Variants in COL6A6 observed in about 807,000 individuals in gnomAD.
COL6A6 encodes the protein collagen alpha-6(VI) chain.
In COL6A6, 183 loss-of-function variants were observed where a neutral mutation model predicts 208.6. The observed-to-expected ratio is 0.88, with a 90% confidence interval of 0.78 to 0.99. The LOEUF is 0.99. Ranked by LOEUF, COL6A6 falls within the 50% of genes least tolerant of loss-of-function variation. COL6A6 has a pLI of 0.00. For synonymous variants in COL6A6, 973 were observed against 1,011.8 expected, an observed-to-expected ratio of 0.96 and a Z score of 0.73; for missense variants, 2,816 against 2,815.2, an observed-to-expected ratio of 1.00 and a Z score of -0.01.
In COL6A6 at chr3:130,627,381, C is replaced by T. The variant is rs771679759; in HGVS notation, c.4992+12C>T. On this transcript the variant is annotated intron_variant, in intron 26 of 36. Coordinates refer to ENST00000358511, the MANE Select transcript of COL6A6 (RefSeq NM_001102608.3). ...GCAAGGGAGCAAAGGTAAGTCAAGT[C>T]TGCTGGAAGCTGGACGTTTTCCATT... The T allele has an allele frequency of 2.4e-5, 39 of 1,612,478 alleles. No homozygotes were observed. Among genetic ancestry groups the T allele is most frequent in the Non-Finnish European group, 1.3e-5 (15 of 1,178,672 alleles).
At chr3:130,606,343 T>A (rs573598773) in intron 20 of COL6A6, among the ~76,000 whole-genome samples, 3 of 152,260 alleles carry the variant, frequency 2.0e-5, no homozygotes, top group Admixed American at 1.3e-4. Flanking sequence ...TTTGATTGAA[T>A]ATTAATATAC....
At chr3:130,551,153 G>C (rs895976703) in intron 1 of COL6A6, among the ~76,000 whole-genome samples, 1 of 151,554 alleles carries the variant, frequency 6.6e-6, no homozygotes, top group Non-Finnish European at 1.5e-5. Context: ...ATGTCTTTCA[G>C]GTTTTGGTAT....
chr3:130,550,560 T>A (rs1298603649), intron 1 of COL6A6, among the ~76,000 whole-genome samples: 1 of 152,158 alleles, frequency 6.6e-6, no homozygotes, highest in Non-Finnish European at 1.5e-5. Flanking sequence ...GGCCTCAGAA[T>A]CATGGATGGA....
chr3:130,626,554 A>G lies in COL6A6; in HGVS notation c.4941+7A>G. 1 of 1,604,166 alleles carries G rather than the reference A, an allele frequency of 6.2e-7. No homozygotes were observed. Among genetic ancestry groups the G allele is most frequent in the Non-Finnish European group, 8.5e-7 (1 of 1,171,034 alleles). ...TGGTCCTCGTGGCTTGCAGGTTTGT[A>G]TTTTGACACTAGTTTTGATCGGATT... On this transcript the variant is annotated splice_region_variant and intron_variant, in intron 25 of 36. Coordinates refer to ENST00000358511, the MANE Select transcript of COL6A6 (RefSeq NM_001102608.3).
intron 20 of COL6A6, among the ~76,000 whole-genome samples, chr3:130,600,708 C>T (rs929443667): frequency 1.7e-4 from 26 of 151,926 alleles, no homozygotes; most frequent in African/African-American, 4.8e-4. Context: ...CAGGGCCAGT[C>T]GGGGGTTGGT....
intron 10 of COL6A6, among the ~76,000 whole-genome samples, chr3:130,583,542 T>C (rs930282591): frequency 6.6e-6 from 1 of 152,224 alleles, no homozygotes; most frequent in Non-Finnish European, 1.5e-5. Flanking sequence ...GAAAAACTAG[T>C]AAATGGGTAT....
intron 11 of COL6A6, among the ~76,000 whole-genome samples, chr3:130,588,549 G>T (rs1245205890): frequency 6.6e-6 from 1 of 152,186 alleles, no homozygotes; most frequent in African/African-American, 2.4e-5. Context: ...TATTGCACGT[G>T]TAAGTTGTGT....
Position 130,568,124 on chromosome 3 carries a change from A to G in COL6A6, c.1921A>G (p.Met641Val), listed in dbSNP as rs1487940817. The change falls in exon 6 of 37, where the codon ATG becomes GTG. Residue 641 changes from methionine (M) to valine (V), a missense_variant. Met to Val is a conservative substitution (Grantham distance 21). Transcript: ENST00000358511. Reference sequence around the variant, plus strand: ...TATAGGACCTGAAAACTTCAGCAAAATGAAAACATTTATGAAAAACCTGGT... The same window carrying G: ...TATAGGACCTGAAAACTTCAGCAAAGTGAAAACATTTATGAAAAACCTGGT... ...GSIGPENFSKMKTFMKNLVSK... is the reference protein window; with the variant it reads ...GSIGPENFSKVKTFMKNLVSK... 1.2e-6 allele frequency: 2 copies of G among 1,613,890 alleles called. No individual in the cohort carries two copies. Among genetic ancestry groups the G allele is most frequent in the East Asian group, 2.2e-5 (1 of 44,898 alleles).
At chr3:130,519,241 T>C (rs1710927445) in intron 1 of COL6A6, among the ~76,000 whole-genome samples, 1 of 152,194 alleles carries the variant, frequency 6.6e-6, no homozygotes, top group African/African-American at 2.4e-5. Flanking sequence ...ATAATCTCTA[T>C]ACTTAGTACA....
intron 7 of COL6A6, 42 bp downstream of exon 7, chr3:130,571,435 G>A (rs2063165289): frequency 2.8e-6 from 4 of 1,412,600 alleles, no homozygotes; most frequent in Non-Finnish European, 2.9e-6. Flanking sequence ...ATTAGCAGAG[G>A]GACAAATGAG....
At position 130,581,003 on chromosome 3, in the gene COL6A6, GT is replaced by G. The variant is rs532151471; in HGVS notation, c.3548-545del. On this transcript the variant is annotated intron_variant, in intron 8 of 36. Transcript: ENST00000358511. ...CTCAAAGGATCTCCTGAATTTTTTAGTTTTTTTTTTTTTCTTTTCTGCATGG... is the reference window on the plus strand; with the variant it reads ...CTCAAAGGATCTCCTGAATTTTTTAGTTTTTTTTTTTTCTTTTCTGCATGG... Among the ~76,000 whole-genome samples the G allele has an allele frequency of 1.1e-3, 158 of 143,702 alleles. 1 individual carries two copies. The highest frequency in any genetic ancestry group is 9.4e-3 in the South Asian group (42 of 4,490). The allele number at this position is 143,702 out of a possible 152,430, so 94.3% of individuals were successfully genotyped here. A position where few individuals can be genotyped will look rare whatever the true frequency, so the allele number is the denominator to read the frequency against.
At chr3:130,645,922 T>C (rs1381167224) in intron 32 of COL6A6, among the ~76,000 whole-genome samples, 1 of 152,196 alleles carries the variant, frequency 6.6e-6, no homozygotes, top group East Asian at 1.9e-4. Context: ...TATCCATGCA[T>C]TTAAGAATAT....
intron 7 of COL6A6, 94 bp from the exon 8 acceptor site, chr3:130,573,862 C>T (rs1054915491): frequency 2.2e-6 from 2 of 905,064 alleles, no homozygotes; most frequent in Middle Eastern, 6.9e-4. Context: ...AGCCACCGCG[C>T]CCGGCCTATA....
At chr3:130,612,787 T>C (rs1175006617) in intron 23 of COL6A6, among the ~76,000 whole-genome samples, 1 of 152,116 alleles carries the variant, frequency 6.6e-6, no homozygotes, top group African/African-American at 2.4e-5. Flanking sequence ...TGGAGTGGGA[T>C]TGAGCATATT....
At chr3:130,649,710 C>T in intron 33 of COL6A6, 148 bp downstream of exon 33, 3 of 795,880 alleles carry the variant, frequency 3.8e-6, no homozygotes, top group Non-Finnish European at 5.8e-6. Context: ...GTATTTCTTA[C>T]TGTGTACTGG....
intron 10 of COL6A6, among the ~76,000 whole-genome samples, chr3:130,583,613 A>G (rs577427879): frequency 4.0e-4 from 61 of 152,314 alleles, no homozygotes; most frequent in African/African-American, 1.3e-3. Flanking sequence ...CCAATGGAAG[A>G]GAGAAATCAT....
chr3:130,617,746 A>T (rs951218830), intron 23 of COL6A6, among the ~76,000 whole-genome samples: 4 of 152,088 alleles, frequency 2.6e-5, no homozygotes, highest in Admixed American at 2.6e-4. Context: ...GTGAGTTTTC[A>T]TACATTACCC....
chr3:130,673,432 T>G (rs116669888), intron 36 of COL6A6, among the ~76,000 whole-genome samples: 5,868 of 125,426 alleles, frequency 0.047, 382 homozygotes, highest in African/African-American at 0.16. Flanking sequence ...AAACCTGCCA[T>G]AAAAGAAAAC....
intron 34 of COL6A6, 50 bp downstream of exon 34, chr3:130,658,822 G>A (rs1347538604): frequency 7.5e-7 from 1 of 1,325,680 alleles, no homozygotes; most frequent in Non-Finnish European, 1.1e-6. Context: ...TAAGCATGAT[G>A]AGTCACCACT....
Sources: allele counts gnomAD v4.1 joint callset (sites outside exome capture counted in the v4.1 genomes callset), GRCh38; gene constraint gnomAD v4.1.1; transcripts MANE v1.5; gene names NCBI Gene and HGNC (gene_info 2026-07-23, HGNC 2026-07-21).